Variants in BIRC6 observed in about 807,000 individuals in gnomAD.
BIRC6 encodes the protein baculoviral IAP repeat containing 6, also known as dual E2 ubiquitin-conjugating enzyme/E3 ubiquitin-protein ligase BIRC6.
Under a neutral mutation model 503.3 loss-of-function variants are expected in BIRC6, and 98 were observed. That is an observed-to-expected ratio of 0.19 (90% confidence interval 0.17 to 0.23). The LOEUF (loss-of-function observed/expected upper bound fraction) is 0.23. Among genes scored for constraint, BIRC6 ranks in the 10% least tolerant of loss-of-function variants. The probability of loss-of-function intolerance (pLI) is 1.00; values close to 1 mark genes in which losing one functional copy is unlikely to be tolerated. For synonymous variants in BIRC6, 2,240 were observed against 2,078.7 expected, an observed-to-expected ratio of 1.08 and a Z score of -2.11; for missense variants, 5,360 against 5,806.0, an observed-to-expected ratio of 0.92 and a Z score of 2.50.
chr2:32,454,750 T>C (rs781553113), intron 23 of BIRC6, among the ~76,000 whole-genome samples: 2 of 152,228 alleles, frequency 1.3e-5, no homozygotes, highest in Non-Finnish European at 1.5e-5. Context: ...GGTTCCAGAA[T>C]AGCAGGAGGT....
intron 61 of BIRC6, among the ~76,000 whole-genome samples, chr2:32,541,729 GAGA>G (rs927912543): frequency 6.6e-6 from 1 of 152,148 alleles, no homozygotes; most frequent in Admixed American, 6.5e-5. Flanking sequence ...TAAATGCAAT[GAGA>G]AGTTTGTAGG....
At chr2:32,594,762 T>G (rs892237705) in intron 67 of BIRC6, among the ~76,000 whole-genome samples, 2 of 150,430 alleles carry the variant, frequency 1.3e-5, no homozygotes, top group African/African-American at 5.0e-5. Context: ...CTATGTTAGC[T>G]GAAGAAAGTG....
chr2:32,582,046 A>T (rs2060709056), intron 66 of BIRC6, among the ~76,000 whole-genome samples: 1 of 152,006 alleles, frequency 6.6e-6, no homozygotes, highest in African/African-American at 2.4e-5. Context: ...TTTAGTAGAG[A>T]GGGGGTTTCA....
At position 32,537,355 on chromosome 2, in the gene BIRC6, G is replaced by T. The variant is rs565724031; in HGVS notation, c.12291+5804G>T. On this transcript the variant is annotated intron_variant, in intron 61 of 73. Transcript: ENST00000421745. ...CACCTATTCCAAAATTGACCACATA[G>T]TTGGAAGTAAAGCACTCCTCAGCAA... 8.5e-3 allele frequency among the ~76,000 whole-genome samples: 1,290 copies of T among 152,200 alleles called. 10 individuals are homozygous for T. Among genetic ancestry groups the T allele is most frequent in the Middle Eastern group, 0.02 (6 of 294 alleles).
chr2:32,519,683 T>TC (rs2055431862), intron 57 of BIRC6, among the ~76,000 whole-genome samples: 1 of 152,120 alleles, frequency 6.6e-6, no homozygotes. Context: ...GCCCAGCTAA[T>TC]TTTTTCATTT....
chr2:32,539,552 C>T (rs911873229), intron 61 of BIRC6, among the ~76,000 whole-genome samples: 9 of 152,008 alleles, frequency 5.9e-5, no homozygotes, highest in Admixed American at 2.0e-4. Flanking sequence ...ATATGTGTAA[C>T]CTAAGCAGTA....
intron 21 of BIRC6, among the ~76,000 whole-genome samples, 155 bp from the exon 22 acceptor site, chr2:32,448,640 G>A (rs1384863308): frequency 6.6e-6 from 1 of 151,730 alleles, no homozygotes; most frequent in African/African-American, 2.4e-5. Flanking sequence ...GGGAGACCGT[G>A]GAAGGGGACC....
chr2:32,384,380 T>A (rs1022030286), intron 3 of BIRC6, among the ~76,000 whole-genome samples: 2 of 147,396 alleles, frequency 1.4e-5, no homozygotes, highest in African/African-American at 4.9e-5. Context: ...GAAAAAAGAT[T>A]TTTTTTTTTT....
chr2:32,407,858 G>A (rs1380930903), intron 9 of BIRC6, among the ~76,000 whole-genome samples: 2 of 150,134 alleles, frequency 1.3e-5, no homozygotes, highest in South Asian at 2.1e-4. Flanking sequence ...GTTAAAAATT[G>A]TTTTTTTTTC....
chr2:32,418,406 A>G (rs2042601850), intron 10 of BIRC6, among the ~76,000 whole-genome samples: 1 of 152,228 alleles, frequency 6.6e-6, no homozygotes. Flanking sequence ...TAAGTAACTT[A>G]TTAAGTAATA....
At chr2:32,511,678 A>C (rs2054470471) in intron 53 of BIRC6, among the ~76,000 whole-genome samples, 1 of 151,634 alleles carries the variant, frequency 6.6e-6, no homozygotes, top group Non-Finnish European at 1.5e-5. Context: ...TTTTTGAGCA[A>C]ATATTTGGCA....
At chr2:32,567,434 C>G (rs957673405) in intron 65 of BIRC6, among the ~76,000 whole-genome samples, 2 of 152,208 alleles carry the variant, frequency 1.3e-5, no homozygotes, top group African/African-American at 4.8e-5. Context: ...CACTCTGTAT[C>G]TGTGCCATTC....
Position 32,481,380 on chromosome 2 carries a change from A to T in BIRC6, c.7469A>T (p.Asp2490Val), listed in dbSNP as rs1421666866. 1.2e-6 allele frequency: 2 copies of T among 1,612,260 alleles called. No homozygotes were observed. Among genetic ancestry groups the T allele is most frequent in the Admixed American group, 3.3e-5 (2 of 59,826 alleles). ...DKEIDLELLQ[D>V]LMEVDIDPLD... ...GAAATTGACCTTGAGTTACTTCAGG[A>T]TCTAATGGAAGTTGACATTGATCCT... Residue 2490 changes from aspartate (D) to valine (V), a missense_variant, in exon 38 of 74, where the codon GAT (aspartate) becomes GTT (valine). Physicochemically the swap from Asp to Val is radical, Grantham distance 152 (BLOSUM62 -3). This residue lies in a region of BIRC6 where 2,299 missense variants were observed against 2,267.2 expected (regional missense o/e 1.01). Coordinates refer to ENST00000421745, the MANE Select transcript of BIRC6 (RefSeq NM_016252.4).
At position 32,509,810 on chromosome 2, in the gene BIRC6, A is replaced by G. The variant is rs1165254733; in HGVS notation, c.10053A>G (p.Ala3351=). ...ISDLEGMMAS[A]AAPTANLLQT... Reference sequence around the variant, plus strand: ...ATCTAGAAGGAATGATGGCAAGTGCAGCTGCACCTACTGCTAATCTGCTGC... The same window carrying G: ...ATCTAGAAGGAATGATGGCAAGTGCGGCTGCACCTACTGCTAATCTGCTGC... Residue 3351 remains alanine (A), a synonymous_variant, in exon 52 of 74, where the codon GCA becomes GCG. Coordinates refer to ENST00000421745, the MANE Select transcript of BIRC6 (RefSeq NM_016252.4). 2 of 1,613,922 alleles carry G rather than the reference A, an allele frequency of 1.2e-6. No individual in the cohort carries two copies. Among genetic ancestry groups the G allele is most frequent in the African/African-American group, 2.7e-5 (2 of 74,942 alleles).
chr2:32,482,286 T>C, intron 38 of BIRC6, 143 bp from the exon 39 acceptor site: 1 of 826,112 alleles, frequency 1.2e-6, no homozygotes, highest in Non-Finnish European at 1.8e-6. Context: ...TATAAATCAT[T>C]AAAATTATAA....
chr2:32,598,136 C>T (rs549747970), intron 69 of BIRC6, among the ~76,000 whole-genome samples, 168 bp downstream of exon 69: 2 of 150,962 alleles, frequency 1.3e-5, no homozygotes, highest in Non-Finnish European at 3.0e-5. Context: ...ACCCCTCCCC[C>T]CCTTTTTTTT....
intron 50 of BIRC6, among the ~76,000 whole-genome samples, chr2:32,507,295 TGGCACC>T (rs2053905906): frequency 1.3e-5 from 2 of 152,158 alleles, no homozygotes; most frequent in Admixed American, 1.3e-4. Flanking sequence ...CTAGATGTAG[TGGCACC>T]TACCTGTAGT....
chr2:32,386,465 A>G (rs1273064173), intron 3 of BIRC6, among the ~76,000 whole-genome samples: 2 of 146,418 alleles, frequency 1.4e-5, no homozygotes, highest in African/African-American at 5.1e-5. Flanking sequence ...TTTTTCCAAT[A>G]CAGGGTCTTG....
intron 33 of BIRC6, among the ~76,000 whole-genome samples, chr2:32,474,615 A>T (rs2049517412): frequency 1.3e-5 from 2 of 152,198 alleles, no homozygotes; most frequent in South Asian, 4.1e-4. Context: ...AACGAAAGTA[A>T]TCAGGGCGAT....
Sources: gnomAD v4.1 joint callset for allele counts (sites outside exome capture counted in the v4.1 genomes callset) on GRCh38, gnomAD v4.1.1 for gene constraint, gnomAD v4.1.1 regional missense constraint, MANE v1.5 for transcripts, NCBI Gene and HGNC (gene_info 2026-07-23, HGNC 2026-07-21) for gene names.